The following ARC variants were observed in gnomAD, a reference collection of about 807,000 sequenced individuals.
ARC encodes activity-regulated cytoskeleton-associated protein.
A neutral mutation model predicts 20.0 loss-of-function variants in ARC; 10 were observed. The observed-to-expected ratio is 0.50, with a 90% CI of 0.31 to 0.85. The LOEUF (loss-of-function observed/expected upper bound fraction) is 0.85. Among genes scored for constraint, ARC ranks in the 40% least tolerant of loss-of-function variants. The pLI is 0.05. For synonymous variants in ARC, 269 were observed against 254.1 expected, an observed-to-expected ratio of 1.06 and a Z score of -0.56; for missense variants, 454 against 555.5, an observed-to-expected ratio of 0.82 and a Z score of 1.84.
rs1287277784 is a variant in ARC, at chr8:142,614,396, C to G, written c.-125G>C. ...GGAGCGCCTGTCTGTCGCTGCGGGCCGGCGGCGGGGCCGGCGGAGCACGCC... is the reference window on the plus strand; with the variant it reads ...GGAGCGCCTGTCTGTCGCTGCGGGCGGGCGGCGGGGCCGGCGGAGCACGCC... On this transcript the variant is annotated 5_prime_UTR_variant, in exon 1 of 3. Coordinates refer to ENST00000356613, the MANE Select transcript of ARC (RefSeq NM_015193.5). 3 of 896,014 alleles carry G rather than the reference C, an allele frequency of 3.3e-6. No individual in the cohort carries two copies. The highest frequency in any genetic ancestry group is 4.4e-6 in the Non-Finnish European group (3 of 681,730). The allele number at this position is 896,014 out of a possible 1,614,324, so 55.5% of individuals were successfully genotyped here.
chr8:142,612,630 C>T lies in ARC; in HGVS notation c.*451G>A, dbSNP rs146636611. On this transcript the variant is annotated 3_prime_UTR_variant, in exon 1 of 3. Transcript: ENST00000356613. ...GGGCGTCAGCTGGCTCTGCGGATGC[C>T]GGGAGAGGGCGGCGGCGCCGGAAGT... 1,874 of 164,222 alleles carry T rather than the reference C, an allele frequency of 0.011. 43 individuals carry two copies. Among genetic ancestry groups the T allele is most frequent in the African/African-American group, 0.042 (1,765 of 41,898 alleles). 10.2% of individuals were successfully genotyped at this position (164,222 alleles called of 1,614,324 possible). A position where few individuals can be genotyped will look rare whatever the true frequency, so the allele number is the denominator to read the frequency against.
At position 142,613,464 on chromosome 8, in the gene ARC, C is replaced by T; in HGVS notation, c.808G>A (p.Glu270Lys). Residue 270 changes from glutamate to lysine, a missense_variant, in exon 1 of 3, where the codon GAG becomes AAG. Coordinates refer to ENST00000356613, the MANE Select transcript of ARC (RefSeq NM_015193.5). ...SVKNWVEFKK[E>K]FLQYSEGTLS... ...GTGCCCTCGCTGTACTGCAGGAACT[C>T]CTTCTTGAACTCCACCCAGTTCTTC... 6.2e-7 allele frequency: 1 copy of T among 1,613,314 alleles called. No individual in the cohort carries two copies. Among genetic ancestry groups the T allele is most frequent in the Non-Finnish European group, 8.5e-7 (1 of 1,179,934 alleles).
rs1181633544 is a variant in ARC at position 142,614,066 on chromosome 8, C to G, written c.206G>C (p.Gly69Ala). The G allele has an allele frequency of 1.2e-6, 2 of 1,602,762 alleles. No individual in the cohort carries two copies. Among genetic ancestry groups the G allele is most frequent in the Non-Finnish European group, 1.7e-6 (2 of 1,174,702 alleles). The change falls in exon 1 of 3, where the codon GGG (glycine) becomes GCG (alanine). Residue 69 changes from glycine to alanine, a missense_variant. Coordinates refer to ENST00000356613, the MANE Select transcript of ARC (RefSeq NM_015193.5). The stretch of plus-strand genomic sequence containing the variant: ...GCCGTCCAGGTTGCTCTCCAGCTTC[C>G]CGACCGACCGGTGCAGCCCCTTCAG... ...RELKGLHRSV[G>A]KLESNLDGYV...
At chr8:142,611,964 GC>G (rs1270216572) in intron 2 of ARC, 107 bp from the exon 3 acceptor site, 3 of 152,892 alleles carry the variant, frequency 2.0e-5, no homozygotes, top group African/African-American at 4.8e-5. Flanking sequence ...CAAGGCAGAG[GC>G]CCCCCGACCC....
rs1270568526 is a variant in ARC, at chr8:142,614,260, G to T, written c.12C>A (p.Asp4Glu). MELDHRTSGGLHAY... is the reference protein window; with the variant it reads MELEHRTSGGLHAY... ...CGTGGAGCCCGCCGCTGGTCCGGTGGTCCAGCTCCATCTGTGCGCAGGTGC... is the reference window on the plus strand; with the variant it reads ...CGTGGAGCCCGCCGCTGGTCCGGTGTTCCAGCTCCATCTGTGCGCAGGTGC... Residue 4 changes from aspartate (D) to glutamate (E), a missense_variant, in exon 1 of 3, where the codon GAC becomes GAA. By Grantham distance (45) the Asp-to-Glu change is conservative. Around this residue, in one of 3 missense-constraint regions of ARC, gnomAD observed 265 missense variants for 301.7 expected, o/e 0.88. Coordinates refer to ENST00000356613, the MANE Select transcript of ARC (RefSeq NM_015193.5). The T allele has an allele frequency of 2.0e-6, 3 of 1,472,284 alleles. No homozygotes were observed. The Admixed American group carries it at 7.2e-5, about 35-fold the overall frequency. The allele number at this position is 1,472,284 out of a possible 1,614,324, so 91.2% of individuals were successfully genotyped here.
At position 142,613,115 on chromosome 8, in the gene ARC, T is replaced by C; in HGVS notation, c.1157A>G (p.Glu386Gly). Residue 386 changes from glutamate to glycine, a missense_variant, in exon 1 of 3, where the codon GAG (glutamate) becomes GGG (glycine). Transcript: ENST00000356613. Reference protein sequence around the residue: ...AETLTPAPNSESVASDRTQPE With the variant: ...AETLTPAPNSGSVASDRTQPE ...CTGGGTCCGGTCACTGGCCACGGAC[T>C]CGCTGTTGGGGGCGGGCGTGAGGGT... 1.3e-6 allele frequency: 2 copies of C among 1,568,340 alleles called. No individual in the cohort carries two copies. Among genetic ancestry groups the C allele is most frequent in the Non-Finnish European group, 1.7e-6 (2 of 1,157,660 alleles).
chr8:142,614,402 C>A lies in ARC; in HGVS notation c.-131G>T. 1.2e-6 allele frequency: 1 copy of A among 820,346 alleles called. No individual in the cohort carries two copies. The highest frequency in any genetic ancestry group is 1.6e-6 in the Non-Finnish European group (1 of 612,854). 50.8% of individuals were successfully genotyped at this position (820,346 alleles called of 1,614,324 possible). A position where few individuals can be genotyped will look rare whatever the true frequency, so the allele number is the denominator to read the frequency against. On this transcript the variant is annotated 5_prime_UTR_variant, in exon 1 of 3. Coordinates refer to ENST00000356613, the MANE Select transcript of ARC (RefSeq NM_015193.5). Reference sequence around the variant, plus strand: ...CCTGTCTGTCGCTGCGGGCCGGCGGCGGGGCCGGCGGAGCACGCCCGGGGA... The same window carrying A: ...CCTGTCTGTCGCTGCGGGCCGGCGGAGGGGCCGGCGGAGCACGCCCGGGGA...
rs1393067925 is a variant in ARC at position 142,613,016 on chromosome 8, A to G, written c.*65T>C. 4 of 1,343,112 alleles carry G rather than the reference A, an allele frequency of 3.0e-6. No homozygotes were observed. In the Admixed American group the frequency reaches 1.1e-4, roughly 38 times the overall value. 83.2% of individuals were successfully genotyped at this position (1,343,112 alleles called of 1,614,324 possible). A position where few individuals can be genotyped will look rare whatever the true frequency, so the allele number is the denominator to read the frequency against. On this transcript the variant is annotated 3_prime_UTR_variant, in exon 1 of 3. Coordinates refer to ENST00000356613, the MANE Select transcript of ARC (RefSeq NM_015193.5). Reference sequence around the variant, plus strand: ...CCCTGCAGGAGTCAGCCCCAGCTCAAAAGTCCTGGTGGGCAAAGCCACAGG... The same window carrying G: ...CCCTGCAGGAGTCAGCCCCAGCTCAGAAGTCCTGGTGGGCAAAGCCACAGG...
chr8:142,612,813 G>T lies in ARC; in HGVS notation c.*268C>A. On this transcript the variant is annotated 3_prime_UTR_variant, in exon 1 of 3. Transcript: ENST00000356613. ...GAGGAAGCTGGGGTGTTCTGTGATGGCCTGAGAGTGTGGAGGGTGGGGTCC... is the reference window on the plus strand; with the variant it reads ...GAGGAAGCTGGGGTGTTCTGTGATGTCCTGAGAGTGTGGAGGGTGGGGTCC... 1 of 478,018 alleles carries T rather than the reference G, an allele frequency of 2.1e-6. No individual in the cohort carries two copies. The highest frequency in any genetic ancestry group is 3.7e-6 in the Non-Finnish European group (1 of 268,966). 29.6% of individuals were successfully genotyped at this position (478,018 alleles called of 1,614,324 possible). A position where few individuals can be genotyped will look rare whatever the true frequency, so the allele number is the denominator to read the frequency against.
chr8:142,614,219 C>T lies in ARC; in HGVS notation c.53G>A (p.Arg18Gln), dbSNP rs750662635. 2.7e-6 allele frequency: 4 copies of T among 1,508,596 alleles called. No individual in the cohort carries two copies. In the East Asian group the frequency reaches 9.3e-5, roughly 35 times the overall value. 93.5% of individuals were successfully genotyped at this position (1,508,596 alleles called of 1,614,324 possible). A position where few individuals can be genotyped will look rare whatever the true frequency, so the allele number is the denominator to read the frequency against. Residue 18 changes from arginine to glutamine, a missense_variant, in exon 1 of 3, where the codon CGG becomes CAG. Physicochemically the swap from Arg to Gln is conservative, Grantham distance 43. Coordinates refer to ENST00000356613, the MANE Select transcript of ARC (RefSeq NM_015193.5). ...GTTGGGCTTGGCCACCTGCCCGCCC[C>T]GCGGCCCGGGGTAGGCGTGGAGCCC... ...SGGLHAYPGP[R>Q]GGQVAKPNVI...
In ARC at chr8:142,614,403, G is replaced by GACA; in HGVS notation, c.-133_-132insTGT. The GACA allele has an allele frequency of 1.2e-6, 1 of 817,894 alleles. No homozygotes were observed. The highest frequency in any genetic ancestry group is 1.6e-6 in the Non-Finnish European group (1 of 610,820). The allele number at this position is 817,894 out of a possible 1,614,324, so 50.7% of individuals were successfully genotyped here. Reference sequence around the variant, plus strand: ...CTGTCTGTCGCTGCGGGCCGGCGGCGGGGCCGGCGGAGCACGCCCGGGGAG... The same window carrying GACA: ...CTGTCTGTCGCTGCGGGCCGGCGGCGACAGGGCCGGCGGAGCACGCCCGGGGAG... On this transcript the variant is annotated 5_prime_UTR_variant, in exon 1 of 3. Coordinates refer to ENST00000356613, the MANE Select transcript of ARC (RefSeq NM_015193.5).
At position 142,613,387 on chromosome 8, in the gene ARC, G is replaced by T. The variant is rs147582002; in HGVS notation, c.885C>A (p.Gly295=). ...GCCACAGGAACTGGTCCAGCGGCTC[G>T]CCCTGCTTCTGCGGCAGGTCCAGCT... ...QRELDLPQKQ[G]EPLDQFLWRK... Residue 295 remains glycine, a synonymous_variant, in exon 1 of 3, where the codon GGC becomes GGA. Transcript: ENST00000356613. 1.9e-6 allele frequency: 3 copies of T among 1,604,234 alleles called. No homozygotes were observed. The highest frequency in any genetic ancestry group is 2.5e-6 in the Non-Finnish European group (3 of 1,177,452).
Position 142,613,619 on chromosome 8 carries a change from C to T in ARC, c.653G>A (p.Arg218Gln), listed in dbSNP as rs763502872. 1.9e-6 allele frequency: 3 copies of T among 1,579,768 alleles called. No homozygotes were observed. Among genetic ancestry groups the T allele is most frequent in the African/African-American group, 1.3e-5 (1 of 74,410 alleles). Residue 218 changes from arginine to glutamine, a missense_variant, in exon 1 of 3, where the codon CGA becomes CAA. This residue lies in a region of ARC where 117 missense variants were observed against 194.4 expected (regional missense o/e 0.60). Transcript: ENST00000356613. ...GVDTQIFEDP[R>Q]EFLSHLEEYL... is the part of the protein sequence containing the mutation. ...CTCCTCTAGGTGGCTCAGGAACTCT[C>T]GAGGGTCCTCGAAGATCTGCGTGTC...
Position 142,611,100 on chromosome 8 carries a change from G to T in ARC, c.*1500C>A, listed in dbSNP as rs2132354262. 2 of 152,674 alleles carry T rather than the reference G, an allele frequency of 1.3e-5. No individual in the cohort carries two copies. The highest frequency in any genetic ancestry group is 1.9e-4 in the East Asian group (1 of 5,170). 9.5% of individuals were successfully genotyped at this position (152,674 alleles called of 1,614,324 possible). ...TCTTACAAAAAGAGTCTGTCTCTGG[G>T]GTAAGGTGCACAGGGCCTGGACCGA... On this transcript the variant is annotated 3_prime_UTR_variant, in exon 3 of 3. Coordinates refer to ENST00000356613, the MANE Select transcript of ARC (RefSeq NM_015193.5).
chr8:142,613,833 T>C lies in ARC; in HGVS notation c.439A>G (p.Thr147Ala). 6.5e-7 allele frequency: 1 copy of C among 1,539,532 alleles called. No individual in the cohort carries two copies. The change falls in exon 1 of 3, where the codon ACC (threonine) becomes GCC (alanine). Residue 147 changes from threonine to alanine, a missense_variant. By Grantham distance (58) the Thr-to-Ala change is moderately conservative. This residue lies in a region of ARC where 265 missense variants were observed against 301.7 expected (regional missense o/e 0.88). Transcript: ENST00000356613. Reference sequence around the variant, plus strand: ...GGACCCCCCACGCCCACGGAAACGGTGTGGCGGGCTGACTCGCTGCCCACC... The same window carrying C: ...GGACCCCCCACGCCCACGGAAACGGCGTGGCGGGCTGACTCGCTGCCCACC... ...YPVGSESARH[T>A]VSVGVGGPES...
chr8:142,612,290 C>G (rs587672306), intron 1 of ARC, 38 bp from the exon 2 acceptor site: 1 of 152,456 alleles, frequency 6.6e-6, no homozygotes, highest in Non-Finnish European at 1.5e-5. Flanking sequence ...TGAGAGCTGG[C>G]TCAGCAAACT....
chr8:142,614,233 G>C lies in ARC; in HGVS notation c.39C>G (p.Ala13=). ...LDHRTSGGLH[A]YPGPRGGQVA... is the part of the protein sequence containing the mutation. ...CCTGCCCGCCCCGCGGCCCGGGGTA[G>C]GCGTGGAGCCCGCCGCTGGTCCGGT... Residue 13 remains alanine, a synonymous_variant, in exon 1 of 3, where the codon GCC becomes GCG. Coordinates refer to ENST00000356613, the MANE Select transcript of ARC (RefSeq NM_015193.5). The C allele has an allele frequency of 1.3e-6, 2 of 1,494,250 alleles. No individual in the cohort carries two copies. Among genetic ancestry groups the C allele is most frequent in the Non-Finnish European group, 1.8e-6 (2 of 1,126,412 alleles). The allele number at this position is 1,494,250 out of a possible 1,614,324, so 92.6% of individuals were successfully genotyped here. A position where few individuals can be genotyped will look rare whatever the true frequency, so the allele number is the denominator to read the frequency against.
Position 142,613,922 on chromosome 8 carries a change from C to T in ARC, c.350G>A (p.Arg117His). The T allele has an allele frequency of 1.3e-6, 2 of 1,599,738 alleles. No individual in the cohort carries two copies. The highest frequency in any genetic ancestry group is 1.7e-6 in the Non-Finnish European group (2 of 1,175,404). ...RWVKREMHVW[R>H]EVFYRLERWA... ...GCGCTCCAGGCGGTAGAACACCTCG[C>T]GCCACACGTGCATCTCGCGCTTGAC... Residue 117 changes from arginine to histidine, a missense_variant, in exon 1 of 3, where the codon CGC becomes CAC. Transcript: ENST00000356613.
Position 142,613,555 on chromosome 8 carries a change from C to T in ARC, c.717G>A (p.Leu239=), listed in dbSNP as rs1268308591. ...CGTTCATGTGATTCTGGATCTGGGACAGCCAGTACTCCTCAGAGCCGCCCA... is the reference window on the plus strand; with the variant it reads ...CGTTCATGTGATTCTGGATCTGGGATAGCCAGTACTCCTCAGAGCCGCCCA... ...RQVGGSEEYW[L]SQIQNHMNGP... Residue 239 remains leucine (L), a synonymous_variant, in exon 1 of 3, where the codon CTG becomes CTA. Coordinates refer to ENST00000356613, the MANE Select transcript of ARC (RefSeq NM_015193.5). The T allele has an allele frequency of 5.0e-6, 8 of 1,609,036 alleles. No homozygotes were observed. The highest frequency in any genetic ancestry group is 6.8e-6 in the Non-Finnish European group (8 of 1,176,928).
Sources: allele counts gnomAD v4.1 joint callset, GRCh38; gene constraint gnomAD v4.1.1; regional missense constraint gnomAD v4.1.1; transcripts MANE v1.5; gene names NCBI Gene and HGNC (gene_info 2026-07-23, HGNC 2026-07-21).